AFG1L: variants seen among roughly 807,000 people sequenced by gnomAD.
AFG1L encodes AFG1 like ATPase, also known as AFG1-like ATPase.
Under a neutral mutation model 62.2 loss-of-function variants are expected in AFG1L, and 53 were observed. That is an observed-to-expected ratio of 0.85 (90% confidence interval 0.68 to 1.07). The LOEUF is 1.07. Among genes scored for constraint, AFG1L ranks in the 50% least tolerant of loss-of-function variants. The pLI is 0.00. For missense variants in AFG1L, 555 were observed against 590.5 expected, an observed-to-expected ratio of 0.94 and a Z score of 0.62; for synonymous variants, 228 against 210.3, an observed-to-expected ratio of 1.08 and a Z score of -0.73.
At chr6:108,478,898 G>A (rs1382510719) in intron 10 of AFG1L, among the ~76,000 whole-genome samples, 1 of 152,114 alleles carries the variant, frequency 6.6e-6, no homozygotes, top group Non-Finnish European at 1.5e-5. Flanking sequence ...TACTGTCCGG[G>A]GGTGATGGGG....
intron 10 of AFG1L, among the ~76,000 whole-genome samples, chr6:108,494,325 CTT>C (rs756524053): frequency 1.5e-4 from 23 of 151,950 alleles, no homozygotes; most frequent in Non-Finnish European, 3.1e-4. Flanking sequence ...TTGGAGATCT[CTT>C]TATTACATAC....
intron 8 of AFG1L, among the ~76,000 whole-genome samples, chr6:108,466,876 C>A (rs78981994): frequency 1.3e-5 from 2 of 150,998 alleles, no homozygotes; most frequent in East Asian, 3.9e-4. Context: ...CACCCATCAC[C>A]GGTAAAATGA....
chr6:108,439,112 G>A (rs1402643090), intron 7 of AFG1L, among the ~76,000 whole-genome samples: 1 of 152,174 alleles, frequency 6.6e-6, no homozygotes, highest in African/African-American at 2.4e-5. Flanking sequence ...GACATCTGGA[G>A]AGGTTACGTA....
rs1255459039 is a variant in AFG1L at position 108,375,342 on chromosome 6, C to T, written c.748+9010C>T. ...TATTTCTTCCTCTTGCCTGATTGCT[C>T]TGGCTAGCACTTACAGTACATGAAT... On this transcript the variant is annotated intron_variant, in intron 6 of 12. Transcript: ENST00000368977. 2.0e-5 allele frequency among the ~76,000 whole-genome samples: 3 copies of T among 152,138 alleles called. No homozygotes were observed. In the East Asian group the frequency reaches 5.8e-4, roughly 29 times the overall value.
intron 3 of AFG1L, among the ~76,000 whole-genome samples, chr6:108,349,939 T>G (rs1277747480): frequency 7.2e-6 from 1 of 139,648 alleles, no homozygotes; most frequent in African/African-American, 2.7e-5. Context: ...ATAAGTAAAT[T>G]GGGCTAGGTG....
chr6:108,355,594 C>A, intron 3 of AFG1L, 60 bp from the exon 4 acceptor site: 3 of 814,254 alleles, frequency 3.7e-6, no homozygotes, highest in South Asian at 2.0e-5. Context: ...AATGAACAAT[C>A]ATTACAGCAA....
chr6:108,443,381 CAAGT>C (rs957045522), intron 7 of AFG1L, among the ~76,000 whole-genome samples: 2 of 152,192 alleles, frequency 1.3e-5, no homozygotes, highest in Admixed American at 1.3e-4. Flanking sequence ...GAAGCTGCCT[CAAGT>C]GTCACCTAGG....
chr6:108,484,806 A>G (rs896092854), intron 10 of AFG1L, among the ~76,000 whole-genome samples: 7 of 152,198 alleles, frequency 4.6e-5, no homozygotes, highest in Admixed American at 3.9e-4. Flanking sequence ...GATATTTTAT[A>G]CATAAAAGAA....
chr6:108,354,465 C>T (rs1289274861), intron 3 of AFG1L, among the ~76,000 whole-genome samples: 2 of 152,016 alleles, frequency 1.3e-5, no homozygotes, highest in African/African-American at 4.8e-5. Flanking sequence ...CCACCATGCC[C>T]AGCTAATTTT....
rs1778740237 is a variant in AFG1L at position 108,343,111 on chromosome 6, C to T, written c.364-3877C>T. On this transcript the variant is annotated intron_variant, in intron 2 of 12. Transcript: ENST00000368977. Reference sequence around the variant, plus strand: ...TTGGAGTCTTCCTCTGTTGCCCAGGCTGGAGTGCAATGGTGCGATCTTGGC... The same window carrying T: ...TTGGAGTCTTCCTCTGTTGCCCAGGTTGGAGTGCAATGGTGCGATCTTGGC... Among the ~76,000 whole-genome samples the T allele has an allele frequency of 4.0e-5, 6 of 151,410 alleles. No homozygotes were observed. In the South Asian group the frequency reaches 1.3e-3, roughly 32 times the overall value.
At chr6:108,498,724 C>G (rs1020472444) in intron 10 of AFG1L, among the ~76,000 whole-genome samples, 1 of 152,086 alleles carries the variant, frequency 6.6e-6, no homozygotes, top group African/African-American at 2.4e-5. Flanking sequence ...CCTGTAGTCC[C>G]AGCACTTTGG....
intron 6 of AFG1L, among the ~76,000 whole-genome samples, chr6:108,399,478 G>A (rs187845620): frequency 4.6e-5 from 7 of 151,796 alleles, no homozygotes; most frequent in South Asian, 2.1e-4. Context: ...GCACCACAGC[G>A]CCTGGCCATC....
chr6:108,410,693 AC>A lies in AFG1L; in HGVS notation c.807+8640del, dbSNP rs965036392. Among the ~76,000 whole-genome samples the A allele has an allele frequency of 1.3e-5, 2 of 152,190 alleles. 1 individual carries two copies. Among genetic ancestry groups the A allele is most frequent in the Admixed American group, 1.3e-4 (2 of 15,282 alleles). ...AAAATATTGGTGGTCATTGAATCTG[AC>A]TAAACATTGTCTTCTTCCGATCTGT... On this transcript the variant is annotated intron_variant, in intron 7 of 12. Coordinates refer to ENST00000368977, the MANE Select transcript of AFG1L (RefSeq NM_145315.5).
intron 7 of AFG1L, among the ~76,000 whole-genome samples, chr6:108,417,235 A>AACAC (rs147614070): frequency 0.33 from 43,324 of 132,798 alleles, 7,303 homozygotes; most frequent in Non-Finnish European, 0.39. Flanking sequence ...CATTGTCTTA[A>AACAC]ACACACACAC....
chr6:108,355,180 A>G (rs919755479), intron 3 of AFG1L, among the ~76,000 whole-genome samples: 2 of 151,462 alleles, frequency 1.3e-5, no homozygotes, highest in East Asian at 1.9e-4. Context: ...GGCTCAGGCA[A>G]TTCTCCCATC....
intron 6 of AFG1L, chr6:108,387,370 G>A (rs1183791790): frequency 6.6e-6 from 1 of 152,280 alleles, no homozygotes; most frequent in African/African-American, 2.4e-5. Context: ...ATGGTGAGTG[G>A]AGAAAACAGG....
At chr6:108,500,470 A>G (rs1486729075) in intron 10 of AFG1L, among the ~76,000 whole-genome samples, 2 of 152,078 alleles carry the variant, frequency 1.3e-5, no homozygotes, top group Admixed American at 1.3e-4. Flanking sequence ...ATCTTGATCA[A>G]TGTGACCAAT....
At chr6:108,434,197 G>A (rs1771207139) in intron 7 of AFG1L, among the ~76,000 whole-genome samples, 1 of 152,182 alleles carries the variant, frequency 6.6e-6, no homozygotes. Flanking sequence ...TTGGGATGGA[G>A]ACTTAACATT....
At chr6:108,316,823 C>T (rs575609193) in intron 1 of AFG1L, among the ~76,000 whole-genome samples, 19 of 152,218 alleles carry the variant, frequency 1.2e-4, no homozygotes, top group African/African-American at 2.2e-4. Context: ...TGAGCCACCG[C>T]GCTCGGCCCG....
Sources: gnomAD v4.1 joint callset for allele counts (sites outside exome capture counted in the v4.1 genomes callset) on GRCh38, gnomAD v4.1.1 for gene constraint, MANE v1.5 for transcripts, NCBI Gene and HGNC (gene_info 2026-07-23, HGNC 2026-07-21) for gene names.